The following MOCOS variants were observed in gnomAD, a reference collection of about 807,000 sequenced individuals.
MOCOS encodes the protein human molybdenum cofactor sulfurase.
A neutral mutation model predicts 83.6 loss-of-function variants in MOCOS; 86 were observed. The observed-to-expected ratio is 1.03, with a 90% CI of 0.86 to 1.23. The LOEUF (loss-of-function observed/expected upper bound fraction) is 1.23, where lower values mean the gene tolerates loss of function less well. Ranked by LOEUF, MOCOS falls within the 50% of genes most tolerant of loss-of-function variation. The pLI, the probability that MOCOS is intolerant of heterozygous loss-of-function variation, is 0.00. For synonymous variants in MOCOS, 445 were observed against 434.7 expected (o/e 1.02, Z -0.29); for missense variants, 1,120 against 1,126.9 (o/e 0.99, Z 0.09).
chr18:36,196,271 A>T (rs756637589), intron 2 of MOCOS, among the ~76,000 whole-genome samples: 23 of 152,230 alleles, frequency 1.5e-4, no homozygotes, highest in Non-Finnish European at 2.8e-4. Flanking sequence ...TGTGATGAGA[A>T]TAACGATAAG....
At chr18:36,230,137 C>T (rs1050062327) in intron 9 of MOCOS, among the ~76,000 whole-genome samples, 2 of 152,182 alleles carry the variant, frequency 1.3e-5, no homozygotes, top group Admixed American at 1.3e-4. Context: ...GGCTGGAGTA[C>T]AGTGGCACGA....
At chr18:36,240,549 A>G (rs1222054610) in intron 9 of MOCOS, among the ~76,000 whole-genome samples, 2 of 151,268 alleles carry the variant, frequency 1.3e-5, no homozygotes, top group African/African-American at 4.9e-5. Context: ...GCTGTCAGAC[A>G]GGGACATTTA....
intron 1 of MOCOS, among the ~76,000 whole-genome samples, chr18:36,188,281 G>T (rs1394833824): frequency 1.3e-5 from 2 of 152,272 alleles, no homozygotes; most frequent in African/African-American, 4.8e-5. Flanking sequence ...CTGAGCTCCA[G>T]TTCTCTGGGG....
At chr18:36,231,222 T>G (rs2091536482) in intron 9 of MOCOS, among the ~76,000 whole-genome samples, 2 of 152,204 alleles carry the variant, frequency 1.3e-5, no homozygotes, top group Admixed American at 6.5e-5. Flanking sequence ...ATGTATTACA[T>G]TACTAGATTG....
chr18:36,263,929 C>T (rs181397067), intron 13 of MOCOS, among the ~76,000 whole-genome samples: 1 of 152,208 alleles, frequency 6.6e-6, no homozygotes, highest in East Asian at 1.9e-4. Flanking sequence ...ATAATCCCAG[C>T]ACTTTGGGAG....
intron 1 of MOCOS, 85 bp downstream of exon 1, chr18:36,187,766 A>G: frequency 2.4e-6 from 3 of 1,225,870 alleles, no homozygotes; most frequent in Non-Finnish European, 3.1e-6. Flanking sequence ...GAGCGGCGCT[A>G]CCTCATTCGG....
intron 1 of MOCOS, among the ~76,000 whole-genome samples, chr18:36,189,374 C>A (rs2091356055): frequency 6.6e-6 from 1 of 152,174 alleles, no homozygotes; most frequent in African/African-American, 2.4e-5. Context: ...CATTTGTGCA[C>A]TAATCTGACG....
At chr18:36,194,818 T>C (rs1244406022) in intron 1 of MOCOS, among the ~76,000 whole-genome samples, 1 of 152,220 alleles carries the variant, frequency 6.6e-6, no homozygotes, top group Non-Finnish European at 1.5e-5. Context: ...TTGCATTCCT[T>C]GTATTCTTGG....
At chr18:36,215,315 G>A (rs1002093488) in intron 7 of MOCOS, among the ~76,000 whole-genome samples, 4 of 152,166 alleles carry the variant, frequency 2.6e-5, no homozygotes, top group African/African-American at 4.8e-5. Flanking sequence ...CCAATTTACA[G>A]TTGAGCAAAA....
In MOCOS at chr18:36,254,961, A is replaced by G. The variant is rs1290885422; in HGVS notation, c.2165-2007A>G. On this transcript the variant is annotated intron_variant, in intron 11 of 14. Coordinates refer to ENST00000261326, the MANE Select transcript of MOCOS (RefSeq NM_017947.4). Reference sequence around the variant, plus strand: ...GGCTGGTCTCCAACTTTTGAGTTCAAGCAGTCCTCTCACCTTGGCCTCCCA... The same window carrying G: ...GGCTGGTCTCCAACTTTTGAGTTCAGGCAGTCCTCTCACCTTGGCCTCCCA... Among the ~76,000 whole-genome samples the G allele has an allele frequency of 2.0e-5, 3 of 152,150 alleles. No homozygotes were observed. The East Asian group carries it at 5.8e-4, about 29-fold the overall frequency.
rs79823152 is a variant in MOCOS, at chr18:36,268,617, G to A, written c.2599G>A (p.Val867Met). The A allele has an allele frequency of 1.6e-3, 2,604 of 1,614,064 alleles. 33 individuals carry two copies. The African/African-American group carries it at 0.031, about 19-fold the overall frequency. Reference sequence around the variant, plus strand: ...GTCTGTAGGATCTCAGGTGCTCCCTGTGTTGAAAGAGAATGTGGAAGGTCA... The same window carrying A: ...GTCTGTAGGATCTCAGGTGCTCCCTATGTTGAAAGAGAATGTGGAAGGTCA... ...FLSVGSQVLP[V>M]LKENVEGHDL... The change falls in exon 15 of 15, where the codon GTG becomes ATG. Residue 867 changes from valine to methionine, a missense_variant. By Grantham distance (21) the Val-to-Met change is conservative. Coordinates refer to ENST00000261326, the MANE Select transcript of MOCOS (RefSeq NM_017947.4).
Position 36,260,175 on chromosome 18 carries a change from G to C in MOCOS, c.2409G>C (p.Gln803His). ...TTTCAATTGGCTCTTTGCGTTTCCA[G>C]GTAAGTTTGGGGAAGTTCTATTATC... The part of the protein sequence containing the change: ...DEISIGSLRF[Q>H]VLGPCHRCQM... Residue 803 changes from glutamine to histidine, a missense_variant and splice_region_variant, in exon 13 of 15, where the codon CAG becomes CAC. Physicochemically the swap from Gln to His is conservative, Grantham distance 24. Coordinates refer to ENST00000261326, the MANE Select transcript of MOCOS (RefSeq NM_017947.4). 1.9e-6 allele frequency: 3 copies of C among 1,614,130 alleles called. No individual in the cohort carries two copies. The highest frequency in any genetic ancestry group is 2.5e-6 in the Non-Finnish European group (3 of 1,180,002).
intron 9 of MOCOS, among the ~76,000 whole-genome samples, chr18:36,223,324 C>T (rs1385997426): frequency 2.6e-5 from 4 of 152,246 alleles, no homozygotes; most frequent in Non-Finnish European, 5.9e-5. Flanking sequence ...CCAGTTTTCC[C>T]AACACCATTT....
chr18:36,266,590 A>C (rs1374856658), intron 13 of MOCOS, among the ~76,000 whole-genome samples, 159 bp from the exon 14 acceptor site: 1 of 152,066 alleles, frequency 6.6e-6, no homozygotes, highest in Non-Finnish European at 1.5e-5. Context: ...TTAGCTGACA[A>C]ACAAATGCAG....
chr18:36,267,994 A>G (rs991243637), intron 14 of MOCOS, among the ~76,000 whole-genome samples: 2 of 152,194 alleles, frequency 1.3e-5, no homozygotes, highest in Non-Finnish European at 2.9e-5. Flanking sequence ...CAGATCGGAG[A>G]GCATGTCAAG....
chr18:36,260,107 A>G lies in MOCOS; in HGVS notation c.2341A>G (p.Ile781Val). ...CTTGCGTTTTCGTGCCAATATTATTATCAATGGAAAAAGGGCTTTTGAAGA... is the reference window on the plus strand; with the variant it reads ...CTTGCGTTTTCGTGCCAATATTATTGTCAATGGAAAAAGGGCTTTTGAAGA... ...LSLRFRANII[I>V]NGKRAFEEEK... is the part of the protein sequence containing the mutation. Residue 781 changes from isoleucine (I) to valine (V), a missense_variant, in exon 13 of 15, where the codon ATC (isoleucine) becomes GTC (valine). Transcript: ENST00000261326. 6.2e-7 allele frequency: 1 copy of G among 1,614,240 alleles called. No individual in the cohort carries two copies. The highest frequency in any genetic ancestry group is 8.5e-7 in the Non-Finnish European group (1 of 1,180,042).
chr18:36,244,008 C>T (rs1252569101), intron 9 of MOCOS, among the ~76,000 whole-genome samples: 3 of 151,906 alleles, frequency 2.0e-5, no homozygotes, highest in African/African-American at 7.2e-5. Flanking sequence ...CTTCTCTCTT[C>T]TTTTCTTGGT....
intron 9 of MOCOS, among the ~76,000 whole-genome samples, chr18:36,222,910 T>G (rs2091502039): frequency 6.6e-6 from 1 of 152,178 alleles, no homozygotes; most frequent in Non-Finnish European, 1.5e-5. Context: ...ACTAACCCAT[T>G]TTTAAATTAG....
At chr18:36,208,510 C>A (rs1458161963) in intron 6 of MOCOS, among the ~76,000 whole-genome samples, 5 of 151,872 alleles carry the variant, frequency 3.3e-5, no homozygotes, top group African/African-American at 1.2e-4. Flanking sequence ...TAGATATCCC[C>A]CCTGGTAAGG....
Sources: allele counts gnomAD v4.1 joint callset (sites outside exome capture counted in the v4.1 genomes callset), GRCh38; gene constraint gnomAD v4.1.1; transcripts MANE v1.5; gene names NCBI Gene and HGNC (gene_info 2026-07-23, HGNC 2026-07-21).